PTPRG: variants seen among roughly 807,000 people sequenced by gnomAD.
PTPRG encodes the protein receptor-type tyrosine-protein phosphatase gamma.
In PTPRG, 102 loss-of-function variants were observed where a neutral mutation model predicts 165.3. The ratio of observed to expected loss-of-function variants is 0.62; its 90% confidence interval spans 0.53 to 0.73. PTPRG has a LOEUF of 0.73. Ranked by LOEUF, PTPRG falls within the 30% of genes least tolerant of loss-of-function variation. The probability of loss-of-function intolerance (pLI) is 0.00; values close to 1 mark genes in which losing one functional copy is unlikely to be tolerated. For synonymous variants in PTPRG, 675 were observed against 669.5 expected (o/e 1.01, Z -0.13); for missense variants, 1,866 against 1,861.4 (o/e 1.00, Z -0.05).
chr3:61,592,254 A>G (rs373659457), intron 1 of PTPRG, among the ~76,000 whole-genome samples: 1 of 152,084 alleles, frequency 6.6e-6, no homozygotes, highest in African/African-American at 2.4e-5. Flanking sequence ...GGTGTGAGCC[A>G]CCGCGTCCAG....
intron 1 of PTPRG, among the ~76,000 whole-genome samples, chr3:61,568,056 A>C (rs1559506478): frequency 6.6e-6 from 1 of 152,128 alleles, no homozygotes; most frequent in Non-Finnish European, 1.5e-5. Context: ...GGACTAGGGC[A>C]ACATTCTGTG....
chr3:62,083,097 A>G (rs2106770680), intron 5 of PTPRG, among the ~76,000 whole-genome samples: 1 of 152,350 alleles, frequency 6.6e-6, no homozygotes, highest in Admixed American at 6.5e-5. Flanking sequence ...ATACTTGTTT[A>G]GTTGATTTAT....
At chr3:61,687,866 T>C (rs1212039851) in intron 1 of PTPRG, among the ~76,000 whole-genome samples, 1 of 152,216 alleles carries the variant, frequency 6.6e-6, no homozygotes, top group Non-Finnish European at 1.5e-5. Context: ...TTTTTTTGTT[T>C]CCATGTCTGC....
intron 1 of PTPRG, among the ~76,000 whole-genome samples, chr3:61,621,215 T>C (rs1701450271): frequency 6.6e-6 from 1 of 152,090 alleles, no homozygotes; most frequent in South Asian, 2.1e-4. Context: ...TTGAATTGTC[T>C]TATGCACCCC....
At chr3:61,903,325 C>T (rs1168419681) in intron 2 of PTPRG, among the ~76,000 whole-genome samples, 1 of 152,200 alleles carries the variant, frequency 6.6e-6, no homozygotes, top group Non-Finnish European at 1.5e-5. Context: ...TCTGAGGGTA[C>T]TCACAGAATG....
At chr3:61,848,303 C>T (rs145125474) in intron 2 of PTPRG, among the ~76,000 whole-genome samples, 1 of 152,350 alleles carries the variant, frequency 6.6e-6, no homozygotes, top group Non-Finnish European at 1.5e-5. Context: ...GCTGAAGTCA[C>T]AGCCTTGCTG....
In PTPRG at chr3:62,008,369, TTA is replaced by T. The variant is rs1399945717; in HGVS notation, c.519+4874_519+4875del. Among the ~76,000 whole-genome samples the T allele has an allele frequency of 2.0e-5, 3 of 152,208 alleles. No homozygotes were observed. The East Asian group carries it at 5.8e-4, about 29-fold the overall frequency. ...TTGTTGATTCAGACTTACTGGTGCT[TTA>T]TGAGTTGAAGTCTTCAATAAGCTTA... is the stretch of plus-strand genomic sequence containing the variant. On this transcript the variant is annotated intron_variant, in intron 4 of 29. Transcript: ENST00000474889.
chr3:62,003,422 G>A lies in PTPRG; in HGVS notation c.444G>A (p.Val148=), dbSNP rs140851159. The A allele has an allele frequency of 1.9e-6, 3 of 1,613,910 alleles. No homozygotes were observed. In the African/African-American group the frequency reaches 4.0e-5, roughly 22 times the overall value. ...GLPGRFKAEK[V]EFHWGHSNGS... ...CTGGCAGATTCAAAGCTGAGAAGGT[G>A]GAATTTCACTGGGGCCACAGCAATG... is the stretch of plus-strand genomic sequence containing the variant. The change falls in exon 4 of 30, where the codon GTG becomes GTA. Residue 148 remains valine (V), a synonymous_variant. Transcript: ENST00000474889.
intron 1 of PTPRG, among the ~76,000 whole-genome samples, chr3:61,687,113 A>T (rs892228203): frequency 3.9e-5 from 6 of 152,202 alleles, no homozygotes; most frequent in Non-Finnish European, 7.3e-5. Context: ...GACAATACCT[A>T]CCCTGAAATG....
chr3:61,777,879 A>G (rs2034432088), intron 2 of PTPRG, among the ~76,000 whole-genome samples: 1 of 152,214 alleles, frequency 6.6e-6, no homozygotes, highest in South Asian at 2.1e-4. Context: ...GTGAAGTCCT[A>G]TTACTTTGTC....
chr3:62,260,326 A>AT (rs751651879), intron 16 of PTPRG, among the ~76,000 whole-genome samples: 1 of 152,116 alleles, frequency 6.6e-6, no homozygotes, highest in African/African-American at 2.4e-5. Flanking sequence ...TTGTTGCATT[A>AT]TTTTTTTGAA....
chr3:61,795,496 C>T lies in PTPRG; in HGVS notation c.190+46514C>T, dbSNP rs556950178. 1.6e-4 allele frequency among the ~76,000 whole-genome samples: 24 copies of T among 151,544 alleles called. 1 individual carries two copies. The South Asian group carries it at 4.0e-3, about 25-fold the overall frequency. On this transcript the variant is annotated intron_variant, in intron 2 of 29. Transcript: ENST00000474889. ...CTCTACTAAAAATACAAAAATTAGC[C>T]GGGCATGGTGGTAGGTACCTGTAAT...
chr3:62,045,125 A>G (rs1436320278), intron 4 of PTPRG, among the ~76,000 whole-genome samples: 1 of 152,194 alleles, frequency 6.6e-6, no homozygotes, highest in Non-Finnish European at 1.5e-5. Context: ...TTAGCTTTGC[A>G]ATTGAAAGGT....
chr3:61,578,516 A>G (rs1700216617), intron 1 of PTPRG, among the ~76,000 whole-genome samples: 1 of 152,228 alleles, frequency 6.6e-6, no homozygotes, highest in Non-Finnish European at 1.5e-5. Flanking sequence ...AGAGACATCC[A>G]AAATCCCCTC....
intron 2 of PTPRG, among the ~76,000 whole-genome samples, chr3:61,780,053 A>C (rs1035572196): frequency 6.6e-6 from 1 of 152,238 alleles, no homozygotes; most frequent in Non-Finnish European, 1.5e-5. Context: ...CCAGACTAAG[A>C]CACACTACCT....
At chr3:61,595,327 G>C (rs1700676598) in intron 1 of PTPRG, among the ~76,000 whole-genome samples, 1 of 151,954 alleles carries the variant, frequency 6.6e-6, no homozygotes, top group African/African-American at 2.4e-5. Flanking sequence ...TGATTATATA[G>C]TGTTACGTAG....
intron 16 of PTPRG, among the ~76,000 whole-genome samples, chr3:62,260,651 C>T (rs1263487191): frequency 1.3e-5 from 2 of 152,134 alleles, no homozygotes; most frequent in African/African-American, 4.8e-5. Flanking sequence ...ATTTACAATG[C>T]ATACTCCATT....
chr3:62,002,134 G>A (rs2041185571), intron 3 of PTPRG, among the ~76,000 whole-genome samples: 1 of 152,220 alleles, frequency 6.6e-6, no homozygotes, highest in Non-Finnish European at 1.5e-5. Context: ...GGATTTATAT[G>A]AGAAGGTTCC....
intron 2 of PTPRG, among the ~76,000 whole-genome samples, chr3:61,950,574 CA>C (rs1355591564): frequency 3.3e-5 from 5 of 151,946 alleles, no homozygotes; most frequent in Non-Finnish European, 7.4e-5. Flanking sequence ...TTTTTTAATA[CA>C]TTTTTTTAAA....
Sources: allele counts gnomAD v4.1 joint callset (sites outside exome capture counted in the v4.1 genomes callset), GRCh38; gene constraint gnomAD v4.1.1; transcripts MANE v1.5; gene names NCBI Gene and HGNC (gene_info 2026-07-23, HGNC 2026-07-21).